Variants in SNTA1 observed in about 807,000 individuals in gnomAD.
SNTA1 encodes the protein syntrophin alpha 1, also known as alpha-1-syntrophin.
Under a neutral mutation model 47.1 loss-of-function variants are expected in SNTA1, and 31 were observed. That is an observed-to-expected ratio of 0.66 (90% confidence interval 0.49 to 0.89). SNTA1 has a LOEUF of 0.89. Ranked by LOEUF, SNTA1 falls within the 40% of genes least tolerant of loss-of-function variation. The probability of loss-of-function intolerance (pLI) is 0.00; values close to 1 mark genes in which losing one functional copy is unlikely to be tolerated. For missense variants in SNTA1, 575 were observed against 693.0 expected, an observed-to-expected ratio of 0.83 and a Z score of 1.91; for synonymous variants, 300 against 313.6, an observed-to-expected ratio of 0.96 and a Z score of 0.46.
Position 33,412,445 on chromosome 20 carries a change from C to T in SNTA1, c.910-19G>A, listed in dbSNP as rs751629688. 8.7e-6 allele frequency: 14 copies of T among 1,610,070 alleles called. No homozygotes were observed. The South Asian group carries it at 1.1e-4, about 13-fold the overall frequency. On this transcript the variant is annotated intron_variant, in intron 4 of 7. Transcript: ENST00000217381. The stretch of plus-strand genomic sequence containing the variant: ...TGGGCAGCTGCAGAGAACAAAACAG[C>T]AGTGAGGATGGGTGGGGGAAGAGAG...
At position 33,414,226 on chromosome 20, in the gene SNTA1, G is replaced by A. The variant is rs1457519865; in HGVS notation, c.702-1444C>T. 1.7e-4 allele frequency among the ~76,000 whole-genome samples: 6 copies of A among 36,002 alleles called. No individual in the cohort carries two copies. The East Asian group carries it at 2.8e-3, about 17-fold the overall frequency. The allele number at this position is 36,002 out of a possible 152,430, so 23.6% of individuals were successfully genotyped here. On this transcript the variant is annotated intron_variant, in intron 3 of 7. Transcript: ENST00000217381. ...GCACTCCAGCCTGGGCAACAAAAGC[G>A]AAACTCCGTCTCAAAAACCAAAAAA...
At position 33,408,568 on chromosome 20, in the gene SNTA1, A is replaced by G; in HGVS notation, c.1457T>C (p.Ile486Thr). ...CAGGAAGGAGTGGATGATGAAGACT[A>G]TGGTTTTGGGACACGAGTGCAGGTC... ...QLDLHSCPKT[I>T]VFIIHSFLSA... is the part of the protein sequence containing the mutation. The change falls in exon 8 of 8, where the codon ATA becomes ACA. Residue 486 changes from isoleucine (I) to threonine (T), a missense_variant. Coordinates refer to ENST00000217381, the MANE Select transcript of SNTA1 (RefSeq NM_003098.3). 3.7e-6 allele frequency: 6 copies of G among 1,614,090 alleles called. No individual in the cohort carries two copies. The highest frequency in any genetic ancestry group is 5.1e-6 in the Non-Finnish European group (6 of 1,179,986).
intron 2 of SNTA1, among the ~76,000 whole-genome samples, chr20:33,424,359 G>C (rs1212400620): frequency 6.6e-6 from 1 of 151,184 alleles, no homozygotes; most frequent in African/African-American, 2.4e-5. Context: ...AATAGTACTT[G>C]ACATATACCA....
chr20:33,429,978 G>T (rs536900145), intron 2 of SNTA1, among the ~76,000 whole-genome samples: 61 of 152,178 alleles, frequency 4.0e-4, no homozygotes, highest in African/African-American at 1.4e-3. Context: ...TGTTGCTCAG[G>T]CTAAGCTGGA....
chr20:33,409,424 G>C (rs1374230324), intron 6 of SNTA1, among the ~76,000 whole-genome samples: 1 of 151,912 alleles, frequency 6.6e-6, no homozygotes, highest in Non-Finnish European at 1.5e-5. Flanking sequence ...CTGCCTGCTA[G>C]GGCACCTGCA....
Position 33,410,351 on chromosome 20 carries a change from G to T in SNTA1, c.1041-20C>A. 1 of 1,545,028 alleles carries T rather than the reference G, an allele frequency of 6.5e-7. No homozygotes were observed. Among genetic ancestry groups the T allele is most frequent in the Non-Finnish European group, 8.9e-7 (1 of 1,128,392 alleles). On this transcript the variant is annotated intron_variant, in intron 5 of 7. Coordinates refer to ENST00000217381, the MANE Select transcript of SNTA1 (RefSeq NM_003098.3). ...ACCAGTCTGGGGGTTGGGGGCAGAGGGCTGAGCATGAGGCCTCAGGCCGGA... is the reference window on the plus strand; with the variant it reads ...ACCAGTCTGGGGGTTGGGGGCAGAGTGCTGAGCATGAGGCCTCAGGCCGGA...
At position 33,435,904 on chromosome 20, in the gene SNTA1, G is replaced by A. The variant is rs572537105; in HGVS notation, c.496+2937C>T. Among the ~76,000 whole-genome samples the A allele has an allele frequency of 3.3e-5, 5 of 152,238 alleles. No homozygotes were observed. The East Asian group carries it at 9.7e-4, about 29-fold the overall frequency. ...ATAGATACATTTTTAATCTAAAGAT[G>A]AGGAGGTGGGCCGGGCGCGGTGGCT... On this transcript the variant is annotated intron_variant, in intron 2 of 7. Coordinates refer to ENST00000217381, the MANE Select transcript of SNTA1 (RefSeq NM_003098.3).
intron 1 of SNTA1, among the ~76,000 whole-genome samples, chr20:33,439,892 G>T (rs1181290353): frequency 3.3e-5 from 5 of 152,154 alleles, no homozygotes; most frequent in African/African-American, 1.2e-4. Context: ...GGCCAAGGCT[G>T]CCAGGTGGAT....
In SNTA1 at chr20:33,408,530, T is replaced by G. The variant is rs532358011; in HGVS notation, c.1495A>C (p.Thr499Pro). ...TTCTAGGCCAACAGCCCGAGGCGGGTGACTTTGGCCGACAGGAAGGAGTGG... is the reference window on the plus strand; with the variant it reads ...TTCTAGGCCAACAGCCCGAGGCGGGGGACTTTGGCCGACAGGAAGGAGTGG... The part of the protein sequence containing the change: ...IIHSFLSAKV[T>P]RLGLLA Residue 499 changes from threonine (T) to proline (P), a missense_variant, in exon 8 of 8, where the codon ACC becomes CCC. By Grantham distance (38) the Thr-to-Pro change is conservative. Transcript: ENST00000217381. The G allele has an allele frequency of 6.2e-7, 1 of 1,613,624 alleles. No homozygotes were observed. Among genetic ancestry groups the G allele is most frequent in the Non-Finnish European group, 8.5e-7 (1 of 1,179,736 alleles).
rs149081237 is a variant in SNTA1 at position 33,415,246 on chromosome 20, G to C, written c.702-2464C>G. 6.8e-3 allele frequency among the ~76,000 whole-genome samples: 1,035 copies of C among 152,214 alleles called. 9 individuals are homozygous for C. Among genetic ancestry groups the C allele is most frequent in the Middle Eastern group, 0.058 (17 of 294 alleles). ...ACTTGCATTTACATGTCATCTACAC[G>C]TGCGCACACTTAGAAACATATACAC... On this transcript the variant is annotated intron_variant, in intron 3 of 7. Coordinates refer to ENST00000217381, the MANE Select transcript of SNTA1 (RefSeq NM_003098.3).
chr20:33,422,359 A>G (rs542437087), intron 2 of SNTA1, among the ~76,000 whole-genome samples: 2 of 151,612 alleles, frequency 1.3e-5, no homozygotes, highest in African/African-American at 2.4e-5. Context: ...GAATCGCTTG[A>G]ACCCAGGAGG....
At chr20:33,428,835 G>A in intron 2 of SNTA1, among the ~76,000 whole-genome samples, 1 of 152,038 alleles carries the variant, frequency 6.6e-6, no homozygotes, top group East Asian at 1.9e-4. Context: ...GAGGTCAGGA[G>A]TTCAAAACCA....
At chr20:33,413,580 TCTC>T (rs773519551) in intron 3 of SNTA1, among the ~76,000 whole-genome samples, 1 of 151,352 alleles carries the variant, frequency 6.6e-6, no homozygotes, top group Non-Finnish European at 1.5e-5. Flanking sequence ...GCTCCCAGGT[TCTC>T]CTTGTTGCAC....
chr20:33,441,993 G>T (rs1952208783), intron 1 of SNTA1, among the ~76,000 whole-genome samples: 1 of 152,122 alleles, frequency 6.6e-6, no homozygotes, highest in Non-Finnish European at 1.5e-5. Flanking sequence ...CTACAGGAAA[G>T]AATCAACTTC....
rs186554205 is a variant in SNTA1 at position 33,422,593 on chromosome 20, C to T, written c.497-4670G>A. On this transcript the variant is annotated intron_variant, in intron 2 of 7. Transcript: ENST00000217381. ...AGGAGTTTGAGAGCAGCCTGGGCAA[C>T]ATGGCAAAACCCTGTCTCTACCAAA... is the stretch of plus-strand genomic sequence containing the variant. Among the ~76,000 whole-genome samples the T allele has an allele frequency of 1.4e-4, 22 of 152,020 alleles. No homozygotes were observed. In the East Asian group the frequency reaches 4.1e-3, roughly 28 times the overall value.
At chr20:33,413,884 A>G (rs1482223359) in intron 3 of SNTA1, among the ~76,000 whole-genome samples, 1 of 151,420 alleles carries the variant, frequency 6.6e-6, no homozygotes, top group Non-Finnish European at 1.5e-5. Flanking sequence ...AGGCTGCAGT[A>G]AGCTATAAGG....
In SNTA1 at chr20:33,438,951, A is replaced by G. The variant is rs1990512022; in HGVS notation, c.386T>C (p.Leu129Pro). The G allele has an allele frequency of 3.1e-6, 5 of 1,613,954 alleles. No homozygotes were observed. Among genetic ancestry groups the G allele is most frequent in the African/African-American group, 1.3e-5 (1 of 74,920 alleles). ...AGACAGGATGGCATCCCCCACAAAA[A>G]GGGCCTCTGTCTGGTCAGCTGCCAA... Reference protein sequence around the residue: ...KGLAADQTEALFVGDAILSVN... With the variant: ...KGLAADQTEAPFVGDAILSVN... The change falls in exon 2 of 8, where the codon CTT becomes CCT. Residue 129 changes from leucine to proline, a missense_variant. By Grantham distance (98) the Leu-to-Pro change is moderately conservative. Transcript: ENST00000217381.
intron 3 of SNTA1, among the ~76,000 whole-genome samples, chr20:33,416,662 A>C (rs969339938): frequency 1.1e-4 from 17 of 152,066 alleles, no homozygotes; most frequent in Non-Finnish European, 4.4e-5. Flanking sequence ...AAAGTTAGGC[A>C]GGGCACAGTT....
intron 2 of SNTA1, among the ~76,000 whole-genome samples, chr20:33,437,960 A>G (rs969109099): frequency 5.9e-5 from 9 of 152,240 alleles, no homozygotes; most frequent in African/African-American, 2.2e-4. Flanking sequence ...TTCCTCCACA[A>G]AACTCCTCTC....
Sources: allele counts gnomAD v4.1 joint callset (sites outside exome capture counted in the v4.1 genomes callset), GRCh38; gene constraint gnomAD v4.1.1; transcripts MANE v1.5; gene names NCBI Gene and HGNC (gene_info 2026-07-23, HGNC 2026-07-21).